ANKRD11: variants seen among roughly 807,000 people sequenced by gnomAD.
The protein encoded by ANKRD11 is ankyrin repeat domain-containing protein 11.
ANKRD11 carries 17 observed loss-of-function variants against 195.7 expected under a neutral mutation model. The ratio of observed to expected loss-of-function variants is 0.09; its 90% confidence interval spans 0.06 to 0.13. The LOEUF is 0.13. Ranked by LOEUF, ANKRD11 falls within the 10% of genes least tolerant of loss-of-function variation. ANKRD11 has a pLI of 1.00. For synonymous variants in ANKRD11, 1,953 were observed against 1,528.1 expected (o/e 1.28, Z -6.49); for missense variants, 3,735 against 3,566.1 (o/e 1.05, Z -1.21).
intron 2 of ANKRD11, among the ~76,000 whole-genome samples, chr16:89,415,745 T>C (rs1316390783): frequency 6.8e-6 from 1 of 147,140 alleles, no homozygotes; most frequent in Non-Finnish European, 1.5e-5. Flanking sequence ...GGAGAAACTC[T>C]TGAATCTGGG....
chr16:89,337,626 G>C (rs2038440547), intron 2 of ANKRD11, among the ~76,000 whole-genome samples: 1 of 151,524 alleles, frequency 6.6e-6, no homozygotes, highest in Admixed American at 6.6e-5. Context: ...TTTTATAGTA[G>C]AGATGGGGTT....
chr16:89,473,930 GACT>G (rs2057170976), intron 1 of ANKRD11, among the ~76,000 whole-genome samples: 1 of 152,214 alleles, frequency 6.6e-6, no homozygotes, highest in East Asian at 1.9e-4. Context: ...TCACTCCCAT[GACT>G]ACATTATGTT....
intron 1 of ANKRD11, among the ~76,000 whole-genome samples, chr16:89,444,028 AC>A (rs2043662685): frequency 6.6e-6 from 1 of 152,212 alleles, no homozygotes; most frequent in Non-Finnish European, 1.5e-5. Context: ...TTTCCATAGT[AC>A]CCTGTAACTC....
intron 1 of ANKRD11, among the ~76,000 whole-genome samples, chr16:89,428,847 T>C (rs1233902852): frequency 2.0e-5 from 3 of 152,116 alleles, no homozygotes; most frequent in Non-Finnish European, 4.4e-5. Context: ...TAAGCCAAGA[T>C]CGTGCCAATG....
At chr16:89,349,027 C>T (rs1249410888) in intron 2 of ANKRD11, among the ~76,000 whole-genome samples, 2 of 145,816 alleles carry the variant, frequency 1.4e-5, no homozygotes, top group Admixed American at 7.0e-5. Context: ...ACTCAGGAGG[C>T]TGAGGCAGGA....
intron 1 of ANKRD11, among the ~76,000 whole-genome samples, chr16:89,462,132 C>T (rs992129034): frequency 1.3e-4 from 20 of 149,104 alleles, no homozygotes; most frequent in African/African-American, 3.4e-4. Flanking sequence ...CATGCTGAGT[C>T]GAAGCTGGAC....
intron 2 of ANKRD11, among the ~76,000 whole-genome samples, chr16:89,326,437 A>C (rs150478573): frequency 1.3e-5 from 2 of 150,312 alleles, no homozygotes; most frequent in Non-Finnish European, 3.0e-5. Flanking sequence ...CCCACTGCTC[A>C]ATCTACCCCC....
At chr16:89,476,346 C>T (rs909127709) in intron 1 of ANKRD11, among the ~76,000 whole-genome samples, 16 of 152,312 alleles carry the variant, frequency 1.1e-4, no homozygotes, top group African/African-American at 3.8e-4. Flanking sequence ...AGAAACAGAA[C>T]TCTCAACTAG....
rs749845953 is a variant in ANKRD11 at position 89,281,447 on chromosome 16, G to A, written c.5095C>T (p.Arg1699Trp). Residue 1699 changes from arginine (R) to tryptophan (W), a missense_variant, in exon 9 of 13, where the codon CGG (arginine) becomes TGG (tryptophan). By Grantham distance (101) the Arg-to-Trp change is moderately radical. Coordinates refer to ENST00000301030, the MANE Select transcript of ANKRD11 (RefSeq NM_013275.6). The surrounding 1 kb of genome is among the most constrained non-coding windows in gnomAD (Gnocchi z 5.5). Reference protein sequence around the residue: ...LPASPRPDQSRPTGVPTPTSV... With the variant: ...LPASPRPDQSWPTGVPTPTSV... Reference sequence around the variant, plus strand: ...GTAGGGGTGGGCACGCCAGTGGGCCGGCTCTGGTCAGGCCTGGGGGACGCA... The same window carrying A: ...GTAGGGGTGGGCACGCCAGTGGGCCAGCTCTGGTCAGGCCTGGGGGACGCA... The A allele has an allele frequency of 4.3e-6, 7 of 1,613,602 alleles. No individual in the cohort carries two copies. Among genetic ancestry groups the A allele is most frequent in the South Asian group, 3.3e-5 (3 of 91,084 alleles).
chr16:89,447,855 A>T (rs1428294868), intron 1 of ANKRD11, among the ~76,000 whole-genome samples: 2 of 143,652 alleles, frequency 1.4e-5, no homozygotes, highest in Non-Finnish European at 3.0e-5. Context: ...CCCAAGCTGG[A>T]GTGCACTGGC....
At chr16:89,384,888 T>C (rs1177658408) in intron 2 of ANKRD11, among the ~76,000 whole-genome samples, 2 of 117,540 alleles carry the variant, frequency 1.7e-5, no homozygotes, top group Admixed American at 8.8e-5. Context: ...TCTTTTTTTT[T>C]TTTTTTTTTT....
chr16:89,351,106 G>T (rs146073144), intron 2 of ANKRD11, among the ~76,000 whole-genome samples: 263 of 152,306 alleles, frequency 1.7e-3, no homozygotes, highest in Non-Finnish European at 1.3e-3. Context: ...GTACCTCAAA[G>T]AAGCTCTCAG....
At position 89,282,849 on chromosome 16, in the gene ANKRD11, A is replaced by G. The variant is rs559653431; in HGVS notation, c.3693T>C (p.Asp1231=). 1.9e-6 allele frequency: 3 copies of G among 1,610,200 alleles called. No homozygotes were observed. The highest frequency in any genetic ancestry group is 4.5e-5 in the East Asian group (2 of 44,800). Reference sequence around the variant, plus strand: ...CGGGGAGCTTCTGTTTATTTTTCTTATCTTGCGTGGAGTCCACTGAGGCTC... The same window carrying G: ...CGGGGAGCTTCTGTTTATTTTTCTTGTCTTGCGTGGAGTCCACTGAGGCTC... ...KDRASVDSTQ[D]KKNKQKLPEK... The change falls in exon 9 of 13, where the codon GAT becomes GAC. Residue 1231 remains aspartate (D), a synonymous_variant. Coordinates refer to ENST00000301030, the MANE Select transcript of ANKRD11 (RefSeq NM_013275.6).
chr16:89,463,209 G>C (rs1191333125), intron 1 of ANKRD11, among the ~76,000 whole-genome samples: 1 of 152,218 alleles, frequency 6.6e-6, no homozygotes, highest in Admixed American at 6.5e-5. Flanking sequence ...CATGATGACA[G>C]TGGCGGTTTT....
At chr16:89,417,212 G>T (rs1459284876) in intron 2 of ANKRD11, among the ~76,000 whole-genome samples, 2 of 152,212 alleles carry the variant, frequency 1.3e-5, no homozygotes, top group Non-Finnish European at 1.5e-5. Context: ...ATAAGGAACA[G>T]ATACACCAAA....
intron 2 of ANKRD11, among the ~76,000 whole-genome samples, chr16:89,335,086 C>T (rs1039459262): frequency 1.2e-4 from 19 of 152,190 alleles, no homozygotes; most frequent in Non-Finnish European, 5.9e-5. Flanking sequence ...AAACGACTAA[C>T]ACTGATTGCT....
chr16:89,345,069 C>G (rs981319289), intron 2 of ANKRD11, among the ~76,000 whole-genome samples: 5 of 152,152 alleles, frequency 3.3e-5, no homozygotes, highest in Non-Finnish European at 7.4e-5. Context: ...CGGATGGTTT[C>G]TCAACCACTC....
chr16:89,474,902 T>C (rs1398521046), intron 1 of ANKRD11, among the ~76,000 whole-genome samples: 1 of 152,180 alleles, frequency 6.6e-6, no homozygotes, highest in African/African-American at 2.4e-5. Context: ...CAAACGCAAA[T>C]TTGTGCTGAT....
intron 2 of ANKRD11, among the ~76,000 whole-genome samples, chr16:89,397,504 T>C (rs2041495373): frequency 2.0e-5 from 3 of 152,214 alleles, no homozygotes; most frequent in African/African-American, 7.2e-5. Flanking sequence ...CTTGCTGCTA[T>C]CCGCGCTCCT....
Sources: gnomAD v4.1 joint callset for allele counts (sites outside exome capture counted in the v4.1 genomes callset) on GRCh38, gnomAD v4.1.1 for gene constraint, Gnocchi (gnomAD v3.1) non-coding constraint, MANE v1.5 for transcripts, NCBI Gene and HGNC (gene_info 2026-07-23, HGNC 2026-07-21) for gene names.